KALRN: variants seen among roughly 807,000 people sequenced by gnomAD.
The protein encoded by KALRN is kalirin RhoGEF kinase, also known as kalirin.
In KALRN, 70 loss-of-function variants were observed where a neutral mutation model predicts 353.7. The observed-to-expected ratio is 0.20, with a 90% CI of 0.16 to 0.24. KALRN has a LOEUF of 0.24. Among genes scored for constraint, KALRN ranks in the 10% least tolerant of loss-of-function variants. KALRN has a pLI of 1.00. For synonymous variants in KALRN, 1,391 were observed against 1,434.8 expected, an observed-to-expected ratio of 0.97 and a Z score of 0.69; for missense variants, 2,791 against 3,756.7, an observed-to-expected ratio of 0.74 and a Z score of 6.72.
chr3:124,059,924 T>C lies in KALRN; in HGVS notation c.73+26111T>C, dbSNP rs2041863082. 2.0e-5 allele frequency among the ~76,000 whole-genome samples: 3 copies of C among 152,170 alleles called. No individual in the cohort carries two copies. In the South Asian group the frequency reaches 6.2e-4, roughly 32 times the overall value. ...CCTATGAATTTTCTATGGTGGCCCATGGTATCTTGGTGCATAGTTTGGGAA... is the reference window on the plus strand; with the variant it reads ...CCTATGAATTTTCTATGGTGGCCCACGGTATCTTGGTGCATAGTTTGGGAA... On this transcript the variant is annotated intron_variant, in intron 1 of 59. Coordinates refer to ENST00000682506, the MANE Select transcript of KALRN (RefSeq NM_001388419.1).
chr3:124,407,934 A>G (rs2091751565), intron 13 of KALRN, among the ~76,000 whole-genome samples: 1 of 151,908 alleles, frequency 6.6e-6, no homozygotes, highest in Non-Finnish European at 1.5e-5. Flanking sequence ...CACCACGCCC[A>G]GCTATTTTTT....
At chr3:124,124,201 A>G (rs2064361264) in intron 1 of KALRN, among the ~76,000 whole-genome samples, 2 of 152,234 alleles carry the variant, frequency 1.3e-5, no homozygotes, top group Admixed American at 1.3e-4. Flanking sequence ...CAAAATATCA[A>G]CATTAATGGG....
chr3:124,560,311 C>T (rs1408953064), intron 33 of KALRN, among the ~76,000 whole-genome samples: 1 of 152,344 alleles, frequency 6.6e-6, no homozygotes, highest in East Asian at 1.9e-4. Context: ...GTGAGCTTGG[C>T]CTCAAGAAGC....
chr3:124,661,611 G>A (rs959347631), intron 44 of KALRN, among the ~76,000 whole-genome samples: 2 of 152,202 alleles, frequency 1.3e-5, no homozygotes, highest in Admixed American at 6.5e-5. Context: ...GAGGGGCTGA[G>A]TAATATTCCC....
intron 18 of KALRN, among the ~76,000 whole-genome samples, chr3:124,440,573 A>C (rs2093635412): frequency 6.6e-6 from 1 of 151,446 alleles, no homozygotes; most frequent in Non-Finnish European, 1.5e-5. Flanking sequence ...TAATTTTTTT[A>C]TATAACCAGA....
At chr3:124,121,093 C>CAAAAAAAAAAAA (rs35883031) in intron 1 of KALRN, among the ~76,000 whole-genome samples, 1 of 75,134 alleles carries the variant, frequency 1.3e-5, no homozygotes, top group Admixed American at 1.8e-4. Context: ...GACTCCATCT[C>CAAAAAAAAAAAA]AAAAAAAAAA....
chr3:124,397,867 T>C (rs1248763041), intron 12 of KALRN, among the ~76,000 whole-genome samples: 1 of 152,228 alleles, frequency 6.6e-6, no homozygotes, highest in Non-Finnish European at 1.5e-5. Flanking sequence ...ATCTAGCCTT[T>C]ACTCTCCTGA....
chr3:124,290,257 T>C (rs1263030193), intron 5 of KALRN, among the ~76,000 whole-genome samples: 1 of 152,122 alleles, frequency 6.6e-6, no homozygotes, highest in Admixed American at 6.6e-5. Flanking sequence ...TGCTGAAAAT[T>C]ACCTGGTCTT....
In KALRN at chr3:124,482,282, G is replaced by A. The variant is rs1347987868; in HGVS notation, c.4192-526G>A. Among the ~76,000 whole-genome samples, 3 of 152,298 alleles carry A rather than the reference G, an allele frequency of 2.0e-5. No homozygotes were observed. The East Asian group carries it at 5.8e-4, about 29-fold the overall frequency. On this transcript the variant is annotated intron_variant, in intron 27 of 59. Coordinates refer to ENST00000682506, the MANE Select transcript of KALRN (RefSeq NM_001388419.1). ...ATAAGAAATAAAGTGATGACCCTAA[G>A]TTGGGATGTGTTAAATTTAAAGAGA...
At position 124,264,702 on chromosome 3, in the gene KALRN, T is replaced by C; in HGVS notation, c.456+12T>C. 1.2e-6 allele frequency: 2 copies of C among 1,611,178 alleles called. No individual in the cohort carries two copies. The highest frequency in any genetic ancestry group is 1.7e-5 in the Admixed American group (1 of 60,014). Reference sequence around the variant, plus strand: ...AATTCATCTTTGAGGTGAGCCAGATTTCTCTCTCTTAGCATCTTCTTTCCC... The same window carrying C: ...AATTCATCTTTGAGGTGAGCCAGATCTCTCTCTCTTAGCATCTTCTTTCCC... On this transcript the variant is annotated intron_variant, in intron 4 of 59. Transcript: ENST00000682506.
chr3:124,133,239 C>G (rs1218329241), intron 1 of KALRN, among the ~76,000 whole-genome samples: 1 of 152,168 alleles, frequency 6.6e-6, no homozygotes, highest in African/African-American at 2.4e-5. Context: ...CAGCCCAACT[C>G]CATTCGGGAA....
At chr3:124,513,763 G>C (rs1297533538) in intron 33 of KALRN, among the ~76,000 whole-genome samples, 1 of 152,186 alleles carries the variant, frequency 6.6e-6, no homozygotes, top group Non-Finnish European at 1.5e-5. Context: ...GGCTGTGGCT[G>C]ATGTCTTTGC....
chr3:124,216,981 G>A (rs1396706394), intron 1 of KALRN, among the ~76,000 whole-genome samples: 1 of 152,128 alleles, frequency 6.6e-6, no homozygotes, highest in African/African-American at 2.4e-5. Flanking sequence ...CTAGGACCTA[G>A]ATAATGATCC....
chr3:124,614,569 T>G (rs2078357146), intron 34 of KALRN, among the ~76,000 whole-genome samples: 1 of 150,816 alleles, frequency 6.6e-6, no homozygotes, highest in Non-Finnish European at 1.5e-5. Flanking sequence ...TTTTTTCTTT[T>G]TTTTTTTTTC....
chr3:124,498,041 C>T (rs2064067679), intron 33 of KALRN, among the ~76,000 whole-genome samples: 2 of 152,146 alleles, frequency 1.3e-5, no homozygotes, highest in Admixed American at 1.3e-4. Context: ...CTTTATTCTA[C>T]AAGTAAGGAA....
At chr3:124,319,465 G>T (rs2079106316) in intron 6 of KALRN, among the ~76,000 whole-genome samples, 1 of 151,088 alleles carries the variant, frequency 6.6e-6, no homozygotes, top group Admixed American at 6.6e-5. Flanking sequence ...AAGTTCCCTA[G>T]CTCCATCAGG....
intron 34 of KALRN, among the ~76,000 whole-genome samples, chr3:124,615,508 C>T (rs1052663255): frequency 6.6e-6 from 1 of 152,158 alleles, no homozygotes; most frequent in Non-Finnish European, 1.5e-5. Context: ...GGAATCTTCT[C>T]TGTAACTTAT....
At chr3:124,051,859 T>C (rs2041075420) in intron 1 of KALRN, among the ~76,000 whole-genome samples, 1 of 151,748 alleles carries the variant, frequency 6.6e-6, no homozygotes. Flanking sequence ...AGTGGCAGAG[T>C]CAGATGGTTG....
At chr3:124,530,129 A>G (rs1399459686) in intron 33 of KALRN, among the ~76,000 whole-genome samples, 2 of 152,348 alleles carry the variant, frequency 1.3e-5, no homozygotes, top group Middle Eastern at 3.4e-3. Flanking sequence ...ATTCCCTGGT[A>G]GCAAGTGAAG....
Sources: allele counts gnomAD v4.1 joint callset (sites outside exome capture counted in the v4.1 genomes callset), GRCh38; gene constraint gnomAD v4.1.1; transcripts MANE v1.5; gene names NCBI Gene and HGNC (gene_info 2026-07-23, HGNC 2026-07-21).